The following KCNH8 variants were observed in gnomAD, a reference collection of about 807,000 sequenced individuals.
The protein encoded by KCNH8 is potassium voltage-gated channel subfamily H member 8.
Under a neutral mutation model 103.6 loss-of-function variants are expected in KCNH8, and 70 were observed. The ratio of observed to expected loss-of-function variants is 0.68; its 90% confidence interval spans 0.56 to 0.82. The LOEUF is 0.82. Ranked by LOEUF, KCNH8 falls within the 40% of genes least tolerant of loss-of-function variation. The probability of loss-of-function intolerance (pLI) is 0.00; values close to 1 mark genes in which losing one functional copy is unlikely to be tolerated. For missense variants in KCNH8, 1,217 were observed against 1,329.9 expected (o/e 0.92, Z 1.32); for synonymous variants, 498 against 489.4 (o/e 1.02, Z -0.23).
At chr3:19,390,016 C>T (rs1287544204) in intron 5 of KCNH8, among the ~76,000 whole-genome samples, 1 of 152,036 alleles carries the variant, frequency 6.6e-6, no homozygotes, top group Non-Finnish European at 1.5e-5. Flanking sequence ...TGATTTCTGA[C>T]TCTTTAATCA....
intron 8 of KCNH8, among the ~76,000 whole-genome samples, chr3:19,442,301 CTTAT>C (rs2067295373): frequency 6.6e-6 from 1 of 152,170 alleles, no homozygotes; most frequent in Non-Finnish European, 1.5e-5. Context: ...ACAGTCTATA[CTTAT>C]TTAATACTTG....
chr3:19,222,393 T>C (rs960414517), intron 1 of KCNH8, among the ~76,000 whole-genome samples: 1 of 152,244 alleles, frequency 6.6e-6, no homozygotes, highest in African/African-American at 2.4e-5. Flanking sequence ...AAAATGAATG[T>C]TTTGGATAGC....
chr3:19,476,232 TA>T (rs901466688), intron 11 of KCNH8, among the ~76,000 whole-genome samples: 13 of 152,196 alleles, frequency 8.5e-5, no homozygotes, highest in Admixed American at 8.5e-4. Context: ...CAAAGTAGTT[TA>T]TTTCAGTTTG....
intron 5 of KCNH8, among the ~76,000 whole-genome samples, chr3:19,355,197 C>T (rs1008264113): frequency 2.0e-5 from 3 of 152,154 alleles, no homozygotes; most frequent in Non-Finnish European, 2.9e-5. Context: ...CATCTCACAC[C>T]AGTTAGAATG....
rs1191102625 is a variant in KCNH8, at chr3:19,513,008, C to G, written c.2118C>G (p.Leu706=). Residue 706 remains leucine (L), a synonymous_variant, in exon 13 of 16, where the codon CTC becomes CTG. Coordinates refer to ENST00000328405, the MANE Select transcript of KCNH8 (RefSeq NM_144633.3). ...PKGNGNINKR[L]PSIVEDEEEE... ...GAAATGGCAACATCAACAAGCGACT[C>G]CCATCCATTGTGGAAGATGAGGAAG... is the stretch of plus-strand genomic sequence containing the variant. The G allele has an allele frequency of 6.8e-6, 11 of 1,613,410 alleles. No homozygotes were observed. Among genetic ancestry groups the G allele is most frequent in the African/African-American group, 1.3e-5 (1 of 74,834 alleles).
At chr3:19,458,455 T>G (rs2067567895) in intron 11 of KCNH8, among the ~76,000 whole-genome samples, 1 of 151,914 alleles carries the variant, frequency 6.6e-6, no homozygotes, top group African/African-American at 2.4e-5. Context: ...CTCTATTTTA[T>G]TTCATTTGAC....
At chr3:19,210,042 C>A (rs1439985427) in intron 1 of KCNH8, among the ~76,000 whole-genome samples, 1 of 152,022 alleles carries the variant, frequency 6.6e-6, no homozygotes, top group African/African-American at 2.4e-5. Context: ...TTTATATACT[C>A]TTTTCTGGTC....
intron 3 of KCNH8, among the ~76,000 whole-genome samples, chr3:19,288,396 A>G (rs896207445): frequency 2.0e-5 from 3 of 150,628 alleles, no homozygotes; most frequent in Non-Finnish European, 4.4e-5. Context: ...ACACCCCACA[A>G]CAGGCCCCAG....
At chr3:19,151,125 A>AT (rs751010081) in intron 1 of KCNH8, among the ~76,000 whole-genome samples, 2 of 151,570 alleles carry the variant, frequency 1.3e-5, no homozygotes, top group Admixed American at 6.6e-5. Flanking sequence ...TGGGTATACC[A>AT]TTTTTCCAGC....
chr3:19,375,682 C>G (rs1013156882), intron 5 of KCNH8, among the ~76,000 whole-genome samples: 3 of 152,236 alleles, frequency 2.0e-5, no homozygotes, highest in South Asian at 2.1e-4. Flanking sequence ...GAGAGGCACT[C>G]TGGTTTTTAG....
intron 11 of KCNH8, among the ~76,000 whole-genome samples, chr3:19,503,016 G>A (rs1234124284): frequency 6.0e-5 from 9 of 151,084 alleles, no homozygotes; most frequent in African/African-American, 9.7e-5. Context: ...GAAAATTTTC[G>A]CAACGTACTC....
Position 19,438,184 on chromosome 3 carries a change from A to G in KCNH8, c.1198A>G (p.Lys400Glu). ...TGCAGGTTGGCTTCATGAGTTGGGA[A>G]AGAGACTGGAATCTCCATACTATGG... is the stretch of plus-strand genomic sequence containing the variant. ...WEVGWLHELG[K>E]RLESPYYGNN... Residue 400 changes from lysine (K) to glutamate (E), a missense_variant, in exon 8 of 16, where the codon AAG (lysine) becomes GAG (glutamate). By Grantham distance (56) the Lys-to-Glu change is moderately conservative. Transcript: ENST00000328405. 6.2e-7 allele frequency: 1 copy of G among 1,614,096 alleles called. No homozygotes were observed. The highest frequency in any genetic ancestry group is 8.5e-7 in the Non-Finnish European group (1 of 1,180,004).
intron 1 of KCNH8, among the ~76,000 whole-genome samples, chr3:19,166,125 C>A (rs1338451735): frequency 6.6e-6 from 1 of 152,118 alleles, no homozygotes. Flanking sequence ...TAAAATCCAT[C>A]ATATTTGCCT....
At chr3:19,328,290 A>G (rs563891470) in intron 3 of KCNH8, among the ~76,000 whole-genome samples, 4 of 152,250 alleles carry the variant, frequency 2.6e-5, no homozygotes, top group Admixed American at 1.3e-4. Flanking sequence ...TCCTAAATCC[A>G]TATGAAATTT....
intron 6 of KCNH8, among the ~76,000 whole-genome samples, chr3:19,393,552 T>C (rs2066470386): frequency 6.6e-6 from 1 of 152,036 alleles, no homozygotes; most frequent in South Asian, 2.1e-4. Context: ...AGTTTTCATT[T>C]CACTTACAAA....
chr3:19,376,411 AC>A (rs939493345), intron 5 of KCNH8, among the ~76,000 whole-genome samples: 3 of 151,834 alleles, frequency 2.0e-5, no homozygotes, highest in African/African-American at 7.3e-5. Flanking sequence ...GAACTCCCTG[AC>A]CCCTTGCGCT....
In KCNH8 at chr3:19,343,373, C is replaced by G. The variant is rs936690346; in HGVS notation, c.570+659C>G. Among the ~76,000 whole-genome samples the G allele has an allele frequency of 4.6e-5, 7 of 152,210 alleles. 1 individual carries two copies. Among genetic ancestry groups the G allele is most frequent in the Middle Eastern group, 6.8e-3 (2 of 294 alleles). The stretch of plus-strand genomic sequence containing the variant: ...TATAAGGAGTTTATTTCCTATTTTA[C>G]ATGACATATGTCTTCCAGGATTTCA... On this transcript the variant is annotated intron_variant, in intron 4 of 15. Coordinates refer to ENST00000328405, the MANE Select transcript of KCNH8 (RefSeq NM_144633.3).
At chr3:19,330,937 A>G (rs1204360610) in intron 3 of KCNH8, among the ~76,000 whole-genome samples, 1 of 152,140 alleles carries the variant, frequency 6.6e-6, no homozygotes, top group African/African-American at 2.4e-5. Context: ...TTAAAATGTC[A>G]TGTTCTCTAC....
intron 13 of KCNH8, 80 bp from the exon 14 acceptor site, chr3:19,515,240 CAT>C (rs2068853749): frequency 1.9e-5 from 14 of 724,358 alleles, no homozygotes; most frequent in Non-Finnish European, 2.9e-5. Context: ...AGAAATTTAA[CAT>C]AATATCTTTT....
Sources: gnomAD v4.1 joint callset for allele counts (sites outside exome capture counted in the v4.1 genomes callset) on GRCh38, gnomAD v4.1.1 for gene constraint, MANE v1.5 for transcripts, NCBI Gene and HGNC (gene_info 2026-07-23, HGNC 2026-07-21) for gene names.